Variants in NOS1AP observed in about 807,000 individuals in gnomAD.
NOS1AP encodes the protein carboxyl-terminal PDZ ligand of neuronal nitric oxide synthase protein.
NOS1AP carries 21 observed loss-of-function variants against 56.2 expected under a neutral mutation model. The ratio of observed to expected loss-of-function variants is 0.37; its 90% CI spans 0.26 to 0.54. The LOEUF is 0.54. NOS1AP is among the 20% of genes least tolerant of loss of function. The probability of loss-of-function intolerance (pLI) is 0.84; values close to 1 mark genes in which losing one functional copy is unlikely to be tolerated. For synonymous variants in NOS1AP, 270 were observed against 274.6 expected (o/e 0.98, Z 0.17); for missense variants, 522 against 657.8 (o/e 0.79, Z 2.26).
intron 2 of NOS1AP, among the ~76,000 whole-genome samples, chr1:162,198,024 G>GA (rs1295186932): frequency 1.3e-5 from 2 of 152,238 alleles, no homozygotes; most frequent in African/African-American, 4.8e-5. Context: ...GCGAGTCATG[G>GA]AGGCGTCATG....
chr1:162,177,990 C>G (rs1409446078), intron 2 of NOS1AP, among the ~76,000 whole-genome samples: 1 of 152,212 alleles, frequency 6.6e-6, no homozygotes. Context: ...TCCTCTGTCC[C>G]CTGCTTATTC....
At chr1:162,152,104 T>A (rs918590009) in intron 1 of NOS1AP, among the ~76,000 whole-genome samples, 14 of 152,212 alleles carry the variant, frequency 9.2e-5, no homozygotes, top group African/African-American at 3.1e-4. Context: ...GCAGTGCCTC[T>A]TCCAGAAGAG....
At chr1:162,231,946 A>G (rs959942466) in intron 2 of NOS1AP, among the ~76,000 whole-genome samples, 7 of 152,242 alleles carry the variant, frequency 4.6e-5, no homozygotes, top group African/African-American at 1.7e-4. Flanking sequence ...TTTGGGAATT[A>G]GTATTGGGCT....
chr1:162,361,943 C>A (rs1205549661), intron 8 of NOS1AP, among the ~76,000 whole-genome samples: 1 of 152,186 alleles, frequency 6.6e-6, no homozygotes, highest in Non-Finnish European at 1.5e-5. Context: ...CAAATTGCCT[C>A]CAGTACTGAC....
At chr1:162,218,844 G>A (rs914316536) in intron 2 of NOS1AP, among the ~76,000 whole-genome samples, 1 of 151,950 alleles carries the variant, frequency 6.6e-6, no homozygotes, top group Non-Finnish European at 1.5e-5. Flanking sequence ...TGGGTACTAC[G>A]GCTTCCACCC....
At chr1:162,214,234 T>A (rs1318241365) in intron 2 of NOS1AP, among the ~76,000 whole-genome samples, 6 of 152,032 alleles carry the variant, frequency 3.9e-5, no homozygotes, top group Admixed American at 2.0e-4. Context: ...CATTTGTTCC[T>A]TTGTTAATCT....
intron 1 of NOS1AP, among the ~76,000 whole-genome samples, chr1:162,106,852 A>G (rs1647531219): frequency 6.6e-6 from 1 of 152,240 alleles, no homozygotes; most frequent in African/African-American, 2.4e-5. Context: ...TCCCAGTACA[A>G]TTAAATCTAC....
intron 1 of NOS1AP, among the ~76,000 whole-genome samples, chr1:162,073,176 A>G (rs1263698444): frequency 1.3e-5 from 2 of 152,072 alleles, no homozygotes; most frequent in African/African-American, 4.8e-5. Context: ...AATTCTCACT[A>G]CTTCCCTAGG....
intron 2 of NOS1AP, among the ~76,000 whole-genome samples, chr1:162,201,545 T>TA (rs1201126860): frequency 6.6e-6 from 1 of 152,226 alleles, no homozygotes; most frequent in Non-Finnish European, 1.5e-5. Flanking sequence ...CCATAATAAT[T>TA]AAACTAATTT....
intron 2 of NOS1AP, among the ~76,000 whole-genome samples, chr1:162,261,929 G>C (rs1156509241): frequency 6.6e-6 from 1 of 152,162 alleles, no homozygotes; most frequent in African/African-American, 2.4e-5. Flanking sequence ...TCAGAGGAAA[G>C]ACAACTCTTA....
chr1:162,133,311 G>A (rs1241940325), intron 1 of NOS1AP, among the ~76,000 whole-genome samples: 1 of 152,158 alleles, frequency 6.6e-6, no homozygotes, highest in Admixed American at 6.5e-5. Flanking sequence ...CTTAACAAAT[G>A]TTTTGTCATA....
At chr1:162,319,171 T>C (rs1656328782) in intron 4 of NOS1AP, among the ~76,000 whole-genome samples, 1 of 152,134 alleles carries the variant, frequency 6.6e-6, no homozygotes, top group South Asian at 2.1e-4. Flanking sequence ...TGTTTGTAGA[T>C]GAGAAAACTA....
At chr1:162,236,114 A>C (rs1653281697) in intron 2 of NOS1AP, among the ~76,000 whole-genome samples, 1 of 152,216 alleles carries the variant, frequency 6.6e-6, no homozygotes, top group Non-Finnish European at 1.5e-5. Flanking sequence ...ACAGATGTTA[A>C]CTGATCACCA....
chr1:162,237,633 CA>C (rs1406103978), intron 2 of NOS1AP, among the ~76,000 whole-genome samples: 2 of 152,152 alleles, frequency 1.3e-5, no homozygotes, highest in Non-Finnish European at 2.9e-5. Context: ...AGTTGATTGA[CA>C]AGAAGGAGAA....
At chr1:162,280,189 T>C (rs986681360) in intron 2 of NOS1AP, among the ~76,000 whole-genome samples, 21 of 152,168 alleles carry the variant, frequency 1.4e-4, no homozygotes, top group African/African-American at 5.1e-4. Context: ...ATGTAAAAAA[T>C]GTATGAAAGG....
In NOS1AP at chr1:162,314,531, T is replaced by C. The variant is rs191205030; in HGVS notation, c.344+13825T>C. ...TTCTTAAATGTGTAAAGGGAATCAA[T>C]TTAGAATTTGTGCAAAACATTGAAG... On this transcript the variant is annotated intron_variant, in intron 4 of 9. Coordinates refer to ENST00000361897, the MANE Select transcript of NOS1AP (RefSeq NM_014697.3). Among the ~76,000 whole-genome samples, 31 of 152,338 alleles carry C rather than the reference T, an allele frequency of 2.0e-4. 1 individual carries two copies. Among genetic ancestry groups the C allele is most frequent in the Non-Finnish European group, 1.5e-5 (1 of 68,014 alleles).
chr1:162,288,634 G>A (rs1452886319), intron 3 of NOS1AP, among the ~76,000 whole-genome samples: 1 of 152,120 alleles, frequency 6.6e-6, no homozygotes, highest in Admixed American at 6.5e-5. Flanking sequence ...TTTCCTCTCT[G>A]GATGTTTACA....
intron 3 of NOS1AP, among the ~76,000 whole-genome samples, chr1:162,288,216 C>G (rs1655153426): frequency 6.6e-6 from 1 of 151,990 alleles, no homozygotes; most frequent in African/African-American, 2.4e-5. Context: ...ATATAAGGAG[C>G]CCTTTTTGTC....
At chr1:162,159,535 T>TTAA (rs1469308197) in intron 2 of NOS1AP, among the ~76,000 whole-genome samples, 3 of 152,196 alleles carry the variant, frequency 2.0e-5, no homozygotes, top group African/African-American at 7.2e-5. Context: ...CTAGCCCCTT[T>TTAA]TAATAGCTAG....
Sources: gnomAD v4.1 joint callset for allele counts (sites outside exome capture counted in the v4.1 genomes callset) on GRCh38, gnomAD v4.1.1 for gene constraint, MANE v1.5 for transcripts, NCBI Gene and HGNC (gene_info 2026-07-23, HGNC 2026-07-21) for gene names.